FUT8: variants seen among roughly 807,000 people sequenced by gnomAD.
FUT8 encodes the protein alpha-(1,6)-fucosyltransferase.
FUT8 carries 29 observed loss-of-function variants against 71.3 expected under a neutral mutation model. The observed-to-expected ratio is 0.41, with a 90% CI of 0.30 to 0.55. The LOEUF (loss-of-function observed/expected upper bound fraction) is 0.55. Among genes scored for constraint, FUT8 ranks in the 20% least tolerant of loss-of-function variants. The pLI is 0.34. For missense variants in FUT8, 544 were observed against 702.1 expected (o/e 0.77, Z 2.55); for synonymous variants, 254 against 239.3 (o/e 1.06, Z -0.57).
At chr14:65,521,953 G>A (rs1256003632) in intron 2 of FUT8, among the ~76,000 whole-genome samples, 2 of 151,380 alleles carry the variant, frequency 1.3e-5, no homozygotes, top group Non-Finnish European at 2.9e-5. Flanking sequence ...TCTTTTGGAT[G>A]TTATGCATGA....
the FUT8 span, among the ~76,000 whole-genome samples, chr14:65,396,181 G>A: frequency 4.6e-5 from 7 of 152,160 alleles, no homozygotes; most frequent in South Asian, 4.2e-4. This position sits in a 1 kb window ranked among gnomAD's most constrained non-coding sequence, Gnocchi z 5.5. Context: ...CCACATTTTC[G>A]TCTTCTTCTG....
chr14:65,495,760 T>G (rs1424755321), intron 2 of FUT8, among the ~76,000 whole-genome samples: 2 of 152,212 alleles, frequency 1.3e-5, no homozygotes, highest in East Asian at 3.8e-4. Context: ...TATAATATTT[T>G]TTGCTATGAC....
intron 3 of FUT8, among the ~76,000 whole-genome samples, chr14:65,584,675 G>C (rs917536711): frequency 2.6e-5 from 4 of 152,198 alleles, no homozygotes; most frequent in African/African-American, 9.7e-5. Flanking sequence ...TCAGAGTCAA[G>C]TTCTAATATT....
chr14:65,530,179 T>C (rs1289796330), intron 2 of FUT8, among the ~76,000 whole-genome samples: 1 of 152,192 alleles, frequency 6.6e-6, no homozygotes, highest in Non-Finnish European at 1.5e-5. Context: ...TATTATGACC[T>C]CTTGTGTTTT....
rs546699791 is a variant in FUT8 at position 65,715,288 on chromosome 14, A to G, written c.836-6487A>G. Among the ~76,000 whole-genome samples the G allele has an allele frequency of 1.2e-4, 18 of 152,296 alleles. No individual in the cohort carries two copies. The East Asian group carries it at 3.5e-3, about 29-fold the overall frequency. On this transcript the variant is annotated intron_variant, in intron 7 of 10. Transcript: ENST00000673929. ...TTTTTTAAGGGTTTTTATCATGAAG[A>G]GATCTTGAATTTTATCACATGCTTT...
the FUT8 span, among the ~76,000 whole-genome samples, chr14:65,358,626 G>A: frequency 1.3e-5 from 2 of 151,968 alleles, no homozygotes; most frequent in Non-Finnish European, 2.9e-5. Flanking sequence ...TTGTGGTTTT[G>A]GTAGAGATGG....
intron 7 of FUT8, among the ~76,000 whole-genome samples, chr14:65,679,470 T>C (rs942653963): frequency 9.2e-5 from 14 of 152,232 alleles, no homozygotes; most frequent in African/African-American, 3.4e-4. Flanking sequence ...TTTTATGGCC[T>C]GTCATAAATG....
At chr14:65,438,083 G>A (rs1418421243) in intron 1 of FUT8, among the ~76,000 whole-genome samples, 1 of 152,098 alleles carries the variant, frequency 6.6e-6, no homozygotes, top group Non-Finnish European at 1.5e-5. Flanking sequence ...TGGAGAGAGG[G>A]GATAAGAAGT....
intron 2 of FUT8, among the ~76,000 whole-genome samples, chr14:65,514,013 A>C (rs1488464718): frequency 6.6e-6 from 1 of 152,246 alleles, no homozygotes; most frequent in African/African-American, 2.4e-5. Flanking sequence ...TCAGCTCTTT[A>C]TGTCAACAGG....
intron 6 of FUT8, among the ~76,000 whole-genome samples, chr14:65,648,653 A>G (rs984030737): frequency 5.9e-5 from 9 of 152,198 alleles, no homozygotes; most frequent in African/African-American, 2.2e-4. Context: ...TTGGGACCAA[A>G]TCCCAATTTA....
At chr14:65,450,914 A>T (rs574581809) in intron 1 of FUT8, among the ~76,000 whole-genome samples, 2 of 149,444 alleles carry the variant, frequency 1.3e-5, no homozygotes, top group African/African-American at 4.9e-5. Context: ...CGGCCAGGCT[A>T]GAGTGCAGTG....
chr14:65,403,338 C>T, the FUT8 span, among the ~76,000 whole-genome samples: 1 of 152,114 alleles, frequency 6.6e-6, no homozygotes, highest in Non-Finnish European at 1.5e-5. Context: ...AATTGGTGAG[C>T]AAGGATTCAA....
At chr14:65,456,871 CAA>C (rs1212475205) in intron 2 of FUT8, among the ~76,000 whole-genome samples, 9 of 100,744 alleles carry the variant, frequency 8.9e-5, no homozygotes, top group African/African-American at 1.1e-4. Flanking sequence ...GACTCTGTCT[CAA>C]AAAAAAAAAA....
Position 65,742,540 on chromosome 14 carries a change from A to G in FUT8, c.*130A>G. On this transcript the variant is annotated 3_prime_UTR_variant, in exon 11 of 11. Coordinates refer to ENST00000673929, the MANE Select transcript of FUT8 (RefSeq NM_001371533.1). ...GGTTATATGAGTAGATACTCTCAGC[A>G]CCAAGAGCAGCTGGGAACTGACATA... 1.3e-6 allele frequency: 1 copy of G among 745,544 alleles called. No individual in the cohort carries two copies. Among genetic ancestry groups the G allele is most frequent in the Non-Finnish European group, 2.1e-6 (1 of 466,432 alleles). The allele number at this position is 745,544 out of a possible 1,614,324, so 46.2% of individuals were successfully genotyped here.
chr14:65,515,087 C>A (rs1310003486), intron 2 of FUT8, among the ~76,000 whole-genome samples: 1 of 152,122 alleles, frequency 6.6e-6, no homozygotes, highest in Non-Finnish European at 1.5e-5. Flanking sequence ...ATCAGTAATA[C>A]ACACTTTATG....
intron 2 of FUT8, among the ~76,000 whole-genome samples, chr14:65,537,953 G>C (rs1157880130): frequency 6.6e-6 from 1 of 152,174 alleles, no homozygotes; most frequent in Non-Finnish European, 1.5e-5. Flanking sequence ...ATCCTTGTTC[G>C]CATGTGCCAG....
intron 2 of FUT8, among the ~76,000 whole-genome samples, chr14:65,477,251 T>TA (rs550292825): frequency 6.6e-6 from 1 of 152,176 alleles, no homozygotes; most frequent in Non-Finnish European, 1.5e-5. Flanking sequence ...AAAATATGGA[T>TA]AAAAAATGCA....
chr14:65,439,211 A>G (rs1346306937), intron 1 of FUT8, among the ~76,000 whole-genome samples: 1 of 152,190 alleles, frequency 6.6e-6, no homozygotes, highest in African/African-American at 2.4e-5. Flanking sequence ...ATGGATATGT[A>G]AGCAAAAATA....
intron 2 of FUT8, among the ~76,000 whole-genome samples, chr14:65,515,121 C>T (rs994408831): frequency 6.8e-6 from 1 of 147,572 alleles, no homozygotes; most frequent in African/African-American, 2.5e-5. Context: ...AATTCAGTTC[C>T]TAGTGTAGTC....
Sources: allele counts gnomAD v4.1 joint callset (sites outside exome capture counted in the v4.1 genomes callset), GRCh38; gene constraint gnomAD v4.1.1; non-coding constraint Gnocchi (gnomAD v3.1); transcripts MANE v1.5; gene names NCBI Gene and HGNC (gene_info 2026-07-23, HGNC 2026-07-21).